The following ADGRL2 variants were observed in gnomAD, a reference collection of about 807,000 sequenced individuals.
ADGRL2 encodes adhesion G protein-coupled receptor L2.
In ADGRL2, 44 loss-of-function variants were observed where a neutral mutation model predicts 157.4. The ratio of observed to expected loss-of-function variants is 0.28; its 90% CI spans 0.22 to 0.36. The LOEUF (loss-of-function observed/expected upper bound fraction) is 0.36, where lower values mean the gene tolerates loss of function less well. Ranked by LOEUF, ADGRL2 falls within the 10% of genes least tolerant of loss-of-function variation. The pLI is 1.00. For missense variants in ADGRL2, 1,510 were observed against 1,768.9 expected (o/e 0.85, Z 2.63); for synonymous variants, 585 against 624.7 (o/e 0.94, Z 0.95).
At chr1:81,756,122 AGCAATCC>A (rs1434395196) in intron 1 of ADGRL2, among the ~76,000 whole-genome samples, 1 of 152,188 alleles carries the variant, frequency 6.6e-6, no homozygotes, top group Non-Finnish European at 1.5e-5. Flanking sequence ...CTGCATCCAA[AGCAATCC>A]CTTTGCTCAT....
chr1:81,775,811 A>G (rs1023060944), intron 2 of ADGRL2, among the ~76,000 whole-genome samples: 10 of 152,324 alleles, frequency 6.6e-5, no homozygotes, highest in South Asian at 2.1e-4. Flanking sequence ...GTTGGTACAG[A>G]AACTAAATAT....
intron 3 of ADGRL2, among the ~76,000 whole-genome samples, chr1:81,667,210 T>C (rs959327566): frequency 6.6e-6 from 1 of 152,142 alleles, no homozygotes; most frequent in African/African-American, 2.4e-5. Flanking sequence ...TGTCCCTGGT[T>C]AGGTGGATGT....
intron 1 of ADGRL2, among the ~76,000 whole-genome samples, chr1:81,370,170 A>G (rs2100980030): frequency 6.6e-6 from 1 of 152,284 alleles, no homozygotes. Flanking sequence ...TAACTTAATA[A>G]TGTTTCCATA....
At chr1:81,951,178 A>G (rs1651679397) in intron 8 of ADGRL2, 57 bp downstream of exon 8, 2 of 1,175,784 alleles carry the variant, frequency 1.7e-6, no homozygotes. Flanking sequence ...AACTTCTAAC[A>G]TAAATAATTT....
rs571116100 is a variant in ADGRL2 at position 81,595,069 on chromosome 1, C to T, written c.-143+14089C>T. ...TTACTGCCTTCAGGGAACTCCTAGT[C>T]TAATGGAGGTGACAGACACCTCTAC... On this transcript the variant is annotated intron_variant, in intron 3 of 24. Transcript: ENST00000370721. 3.1e-4 allele frequency among the ~76,000 whole-genome samples: 47 copies of T among 151,552 alleles called. No homozygotes were observed. The South Asian group carries it at 6.5e-3, about 21-fold the overall frequency.
chr1:81,802,414 C>T (rs368754014), intron 1 of ADGRL2, among the ~76,000 whole-genome samples: 1 of 152,064 alleles, frequency 6.6e-6, no homozygotes, highest in Non-Finnish European at 1.5e-5. Context: ...GCTCCCTCCC[C>T]CCAATCTCCT....
intron 2 of ADGRL2, among the ~76,000 whole-genome samples, chr1:81,539,007 CAAAA>C (rs71242586): frequency 1.2e-5 from 1 of 82,516 alleles, no homozygotes. Flanking sequence ...GACCCTGTCT[CAAAA>C]AAAAAAAAAA....
rs1384854083 is a variant in ADGRL2, at chr1:81,364,795, G to A, written c.-302+58286G>A. ...GCTCACTGCAACCTACACCTCCCAGGTTCAAGCAATTCTCCTGCCTCAGTC... is the reference window on the plus strand; with the variant it reads ...GCTCACTGCAACCTACACCTCCCAGATTCAAGCAATTCTCCTGCCTCAGTC... On this transcript the variant is annotated intron_variant, in intron 1 of 24. Transcript: ENST00000370721. Among the ~76,000 whole-genome samples the A allele has an allele frequency of 3.3e-5, 5 of 151,732 alleles. No homozygotes were observed. In the East Asian group the frequency reaches 5.8e-4, roughly 18 times the overall value.
At chr1:81,428,260 T>C (rs997900979) in intron 1 of ADGRL2, among the ~76,000 whole-genome samples, 3 of 152,032 alleles carry the variant, frequency 2.0e-5, no homozygotes, top group Non-Finnish European at 4.4e-5. Context: ...ATAAATAGGA[T>C]TGGGTATTTA....
chr1:81,784,795 T>G (rs532839582), intron 2 of ADGRL2, among the ~76,000 whole-genome samples: 1 of 152,108 alleles, frequency 6.6e-6, no homozygotes, highest in East Asian at 1.9e-4. Context: ...AAATTCCGCT[T>G]TTCAATGTAT....
At chr1:81,802,858 G>A (rs549941584) in intron 1 of ADGRL2, among the ~76,000 whole-genome samples, 1 of 152,308 alleles carries the variant, frequency 6.6e-6, no homozygotes, top group Admixed American at 6.5e-5. Flanking sequence ...GTGGTGTGGG[G>A]AGGCGAGGAT....
chr1:81,644,103 G>C (rs1421280931), intron 3 of ADGRL2, among the ~76,000 whole-genome samples: 1 of 152,138 alleles, frequency 6.6e-6, no homozygotes, highest in African/African-American at 2.4e-5. Flanking sequence ...CTTTCCAAGA[G>C]GAACAAAGGC....
chr1:81,879,523 A>T (rs2093931468), intron 2 of ADGRL2, among the ~76,000 whole-genome samples: 1 of 152,038 alleles, frequency 6.6e-6, no homozygotes, highest in Non-Finnish European at 1.5e-5. Flanking sequence ...TTTAAAAAAA[A>T]AAAAAACAAC....
chr1:81,502,381 A>G (rs1279532279), intron 2 of ADGRL2: 1 of 1,614,030 alleles, frequency 6.2e-7, no homozygotes, highest in Non-Finnish European at 8.5e-7. Context: ...GCCGGGGAAG[A>G]GAGATCTCTC....
chr1:81,841,144 A>G (rs1406905889), intron 2 of ADGRL2, among the ~76,000 whole-genome samples: 1 of 152,152 alleles, frequency 6.6e-6, no homozygotes, highest in South Asian at 2.1e-4. Context: ...ATGTAATTAG[A>G]TTTTATTAGT....
At position 81,969,230 on chromosome 1, in the gene ADGRL2, T is replaced by C; in HGVS notation, c.2576T>C (p.Ile859Thr). Residue 859 changes from isoleucine to threonine, a missense_variant, in exon 15 of 24, where the codon ATT (isoleucine) becomes ACT (threonine). Ile to Thr is a moderately conservative substitution (Grantham distance 89). Coordinates refer to ENST00000686636, the MANE Select transcript of ADGRL2 (RefSeq NM_001366006.2). ...CTTACAGTCATCACCTGGGTGGGAA[T>C]TGTCATTTCCCTTGTTTGCCTGGCT... is the stretch of plus-strand genomic sequence containing the variant. Reference protein sequence around the residue: ...LLLTVITWVGIVISLVCLAIC... With the variant: ...LLLTVITWVGTVISLVCLAIC... 6.2e-7 allele frequency: 1 copy of C among 1,614,060 alleles called. No individual in the cohort carries two copies. The highest frequency in any genetic ancestry group is 8.5e-7 in the Non-Finnish European group (1 of 1,179,938).
rs182312215 is a variant in ADGRL2, at chr1:81,371,192, A to G, written c.-302+64683A>G. 3.0e-3 allele frequency among the ~76,000 whole-genome samples: 459 copies of G among 152,264 alleles called. 7 individuals carry two copies. The South Asian group carries it at 0.047, about 16-fold the overall frequency. ...TTAGCCAAGGCTACTAGAACCGACC[A>G]CCTCACCCTTCTTATGCCTGTTTGA... On this transcript the variant is annotated intron_variant, in intron 1 of 24. Transcript: ENST00000370721.
chr1:81,368,502 C>T (rs1557633563), intron 1 of ADGRL2, among the ~76,000 whole-genome samples: 1 of 152,132 alleles, frequency 6.6e-6, no homozygotes, highest in Non-Finnish European at 1.5e-5. Context: ...CTCCTTGCCT[C>T]ATTCATATTT....
chr1:81,565,191 G>A (rs1187480672), intron 2 of ADGRL2, among the ~76,000 whole-genome samples: 5 of 152,144 alleles, frequency 3.3e-5, no homozygotes, highest in African/African-American at 1.2e-4. Context: ...TCAGTTTCCT[G>A]ACTGTGATTC....
Sources: gnomAD v4.1 joint callset for allele counts (sites outside exome capture counted in the v4.1 genomes callset) on GRCh38, gnomAD v4.1.1 for gene constraint, MANE v1.5 for transcripts, NCBI Gene and HGNC (gene_info 2026-07-23, HGNC 2026-07-21) for gene names.